The following ANKS1B variants were observed in gnomAD, a reference collection of about 807,000 sequenced individuals.
The protein encoded by ANKS1B is ankyrin repeat and sterile alpha motif domain-containing protein 1B.
A neutral mutation model predicts 148.3 loss-of-function variants in ANKS1B; 36 were observed. The observed-to-expected ratio is 0.24, with a 90% CI of 0.19 to 0.32. The LOEUF is 0.32. ANKS1B is among the 10% of genes least tolerant of loss of function. The probability of loss-of-function intolerance (pLI) is 1.00; values close to 1 mark genes in which losing one functional copy is unlikely to be tolerated. For missense variants in ANKS1B, 1,157 were observed against 1,542.6 expected (o/e 0.75, Z 4.19); for synonymous variants, 542 against 560.8 (o/e 0.97, Z 0.47).
At chr12:99,472,493 T>C (rs2096256989) in intron 10 of ANKS1B, among the ~76,000 whole-genome samples, 1 of 152,128 alleles carries the variant, frequency 6.6e-6, no homozygotes, top group Non-Finnish European at 1.5e-5. Flanking sequence ...ATCAACTAAA[T>C]TAGATATTTC....
chr12:99,856,057 A>C (rs1322100590), intron 1 of ANKS1B, among the ~76,000 whole-genome samples: 1 of 152,160 alleles, frequency 6.6e-6, no homozygotes, highest in Non-Finnish European at 1.5e-5. Flanking sequence ...GGAAATAACC[A>C]AGGTCAGAGC....
intron 12 of ANKS1B, among the ~76,000 whole-genome samples, chr12:99,375,885 C>A (rs1056628306): frequency 2.6e-5 from 4 of 152,156 alleles, no homozygotes; most frequent in Non-Finnish European, 5.9e-5. Context: ...ACACACACTT[C>A]CTCTCTCTTC....
intron 9 of ANKS1B, among the ~76,000 whole-genome samples, chr12:99,545,745 C>T (rs1488652995): frequency 6.8e-6 from 1 of 146,386 alleles, no homozygotes. Flanking sequence ...TATATATATA[C>T]ACACACATAT....
At chr12:99,535,146 G>C (rs956210314) in intron 9 of ANKS1B, among the ~76,000 whole-genome samples, 1 of 152,140 alleles carries the variant, frequency 6.6e-6, no homozygotes, top group Non-Finnish European at 1.5e-5. Flanking sequence ...GAAACTTTTA[G>C]CTAAATGAAG....
intron 17 of ANKS1B, among the ~76,000 whole-genome samples, chr12:99,032,162 A>G (rs573464782): frequency 6.6e-6 from 1 of 152,312 alleles, no homozygotes; most frequent in Non-Finnish European, 1.5e-5. Context: ...GCCTCCATTT[A>G]TCACATAGTC....
intron 2 of ANKS1B, among the ~76,000 whole-genome samples, chr12:99,815,689 T>C (rs543614139): frequency 3.8e-4 from 57 of 151,892 alleles, no homozygotes; most frequent in African/African-American, 1.3e-3. Context: ...TATCACTCTG[T>C]ATGTTTTGGC....
chr12:99,232,819 A>G (rs1308689297), intron 14 of ANKS1B, among the ~76,000 whole-genome samples: 1 of 152,162 alleles, frequency 6.6e-6, no homozygotes, highest in African/African-American at 2.4e-5. Context: ...TCTGTGGAGC[A>G]TGCACTCTAA....
chr12:99,343,765 C>T (rs1051572423), intron 12 of ANKS1B: 1 of 151,998 alleles, frequency 6.6e-6, no homozygotes, highest in Non-Finnish European at 1.5e-5. Context: ...TTCTTTCTCA[C>T]CTCTCACTCA....
chr12:99,424,856 A>G (rs2095212089), intron 11 of ANKS1B, among the ~76,000 whole-genome samples: 1 of 151,988 alleles, frequency 6.6e-6, no homozygotes, highest in Non-Finnish European at 1.5e-5. Flanking sequence ...ATGTGCCTGT[A>G]ACAATAGCTG....
chr12:99,410,988 C>A (rs951016343), intron 11 of ANKS1B, among the ~76,000 whole-genome samples: 1 of 152,320 alleles, frequency 6.6e-6, no homozygotes, highest in South Asian at 2.1e-4. Context: ...GACCTTGACC[C>A]TTCCCCACAC....
At chr12:98,803,217 A>G (rs2099020521) in intron 20 of ANKS1B, among the ~76,000 whole-genome samples, 1 of 152,210 alleles carries the variant, frequency 6.6e-6, no homozygotes, top group African/African-American at 2.4e-5. Flanking sequence ...AATTCAAAAT[A>G]TAGGATACGT....
chr12:99,853,404 A>G (rs1253171823), intron 1 of ANKS1B, among the ~76,000 whole-genome samples: 1 of 152,174 alleles, frequency 6.6e-6, no homozygotes, highest in African/African-American at 2.4e-5. Flanking sequence ...AGATCACATC[A>G]CAGGACTCTT....
At chr12:99,319,359 T>A (rs1242406108) in intron 12 of ANKS1B, among the ~76,000 whole-genome samples, 1 of 152,226 alleles carries the variant, frequency 6.6e-6, no homozygotes, top group Non-Finnish European at 1.5e-5. Flanking sequence ...TACTCCTGTA[T>A]TGGGTGCATA....
At chr12:99,925,563 T>A (rs2094461093) in intron 1 of ANKS1B, among the ~76,000 whole-genome samples, 1 of 152,168 alleles carries the variant, frequency 6.6e-6, no homozygotes, top group East Asian at 1.9e-4. Context: ...GTTATCAATG[T>A]ATTTTCTCAC....
rs12809411 is a variant in ANKS1B, at chr12:99,285,827, A to C, written c.1757-38963T>G. On this transcript the variant is annotated intron_variant, in intron 12 of 26. Transcript: ENST00000683438. ...GTGCTGTCATAACAGGGACTAACAC[A>C]GGGCAGAACTCAGCTGGCACCCAAA... Among the ~76,000 whole-genome samples the C allele has an allele frequency of 9.4e-4, 143 of 152,262 alleles. 1 individual carries two copies. Among genetic ancestry groups the C allele is most frequent in the Middle Eastern group, 3.4e-3 (1 of 294 alleles).
At chr12:98,807,790 A>G (rs761177172) in intron 20 of ANKS1B, 54 bp downstream of exon 20, 2 of 1,494,968 alleles carry the variant, frequency 1.3e-6, no homozygotes, top group East Asian at 4.6e-5. Flanking sequence ...AACACTGTGC[A>G]ACACAGTACA....
At chr12:99,090,552 C>A (rs1243186046) in intron 15 of ANKS1B, among the ~76,000 whole-genome samples, 1 of 152,098 alleles carries the variant, frequency 6.6e-6, no homozygotes, top group Non-Finnish European at 1.5e-5. Flanking sequence ...AAAATAGAAT[C>A]ACTGTATAAT....
At chr12:99,636,530 G>C (rs778479688) in intron 9 of ANKS1B, among the ~76,000 whole-genome samples, 3 of 152,082 alleles carry the variant, frequency 2.0e-5, no homozygotes, top group Non-Finnish European at 2.9e-5. Context: ...AGAAACACTA[G>C]AAAGTACTTC....
chr12:99,024,262 C>A (rs1320659471), intron 17 of ANKS1B, among the ~76,000 whole-genome samples: 2 of 152,030 alleles, frequency 1.3e-5, no homozygotes, highest in Non-Finnish European at 2.9e-5. Flanking sequence ...TTTTAAAGTA[C>A]CTATTTCTCA....
Sources: allele counts gnomAD v4.1 joint callset (sites outside exome capture counted in the v4.1 genomes callset), GRCh38; gene constraint gnomAD v4.1.1; transcripts MANE v1.5; gene names NCBI Gene and HGNC (gene_info 2026-07-23, HGNC 2026-07-21).